PDE6B: variants seen among roughly 807,000 people sequenced by gnomAD.
The protein encoded by PDE6B is phosphodiesterase 6B.
In PDE6B, 106 loss-of-function variants were observed where a neutral mutation model predicts 109.0. The observed-to-expected ratio is 0.97, with a 90% CI of 0.83 to 1.14. PDE6B has a LOEUF of 1.14. PDE6B is among the 50% of genes most tolerant of loss of function. PDE6B has a pLI of 0.00. For missense variants in PDE6B, 1,193 were observed against 1,155.6 expected, an observed-to-expected ratio of 1.03 and a Z score of -0.47; for synonymous variants, 490 against 471.3, an observed-to-expected ratio of 1.04 and a Z score of -0.51.
chr4:634,851 G>A (rs1283809205), intron 2 of PDE6B, 22 bp downstream of exon 2: 1 of 1,610,248 alleles, frequency 6.2e-7, no homozygotes, highest in South Asian at 1.1e-5. Flanking sequence ...GGGCACCTGG[G>A]CAGCCGCGCG....
chr4:657,579 C>CACCCAGGGG (rs1736448861), intron 10 of PDE6B, 85 bp downstream of exon 10: 1 of 1,408,566 alleles, frequency 7.1e-7, no homozygotes, highest in African/African-American at 1.5e-5. Flanking sequence ...ACCCAGGGGT[C>CACCCAGGGG]TCGGCTGTGT....
chr4:667,495 G>A (rs1254781589), intron 20 of PDE6B, among the ~76,000 whole-genome samples: 1 of 152,220 alleles, frequency 6.6e-6, no homozygotes, highest in Admixed American at 6.5e-5. Context: ...TGCCGTGTGT[G>A]TGTGGGAGGG....
chr4:638,085 G>A (rs897894612), intron 3 of PDE6B, among the ~76,000 whole-genome samples: 2 of 152,208 alleles, frequency 1.3e-5, no homozygotes, highest in Admixed American at 1.3e-4. Context: ...TGACGAGTGA[G>A]CGTTCCTGCT....
At chr4:654,515 CGGAACACAGACTG>C in intron 5 of PDE6B, 1 of 588,434 alleles carries the variant, frequency 1.7e-6, no homozygotes, top group Non-Finnish European at 3.1e-6. Context: ...TGGGATTGTG[CGGAACACAGACTG>C]GGAAGACAGA....
At chr4:654,204 C>A in intron 5 of PDE6B, 50 bp downstream of exon 5, 1 of 1,507,096 alleles carries the variant, frequency 6.6e-7, no homozygotes, top group Non-Finnish European at 9.2e-7. Context: ...CTCTGTTTCC[C>A]TGACTCCAAC....
Position 666,613 on chromosome 4 carries a change from A to C in PDE6B, c.2351A>C (p.Lys784Thr). The C allele has an allele frequency of 6.2e-7, 1 of 1,602,564 alleles. No individual in the cohort carries two copies. Among genetic ancestry groups the C allele is most frequent in the African/African-American group, 1.3e-5 (1 of 74,800 alleles). Residue 784 changes from lysine to threonine, a missense_variant and splice_region_variant, in exon 20 of 22, where the codon AAG (lysine) becomes ACG (threonine). Transcript: ENST00000496514. The surrounding 1 kb of genome is among the most constrained non-coding windows in gnomAD (Gnocchi z 5.6). Reference protein sequence around the residue: ...FIDFVCTFVYKEFSRFHEEIL... With the variant: ...FIDFVCTFVYTEFSRFHEEIL... ...GACTTCGTGTGCACATTCGTGTACA[A>C]GGCGAGTGGTTCACGGGTGTTCCGA...
In PDE6B at chr4:667,793, G is replaced by A. The variant is rs1737965917; in HGVS notation, c.2353-63G>A. The A allele has an allele frequency of 3.2e-6, 5 of 1,547,748 alleles. No homozygotes were observed. In the East Asian group the frequency reaches 1.1e-4, roughly 35 times the overall value. ...TACGAGGGGGATGAGCTGGGGAAGG[G>A]CTATCTTACTCTGGAGAGAGCAGGC... On this transcript the variant is annotated intron_variant, in intron 20 of 21. Coordinates refer to ENST00000496514, the MANE Select transcript of PDE6B (RefSeq NM_000283.4).
Position 648,075 on chromosome 4 carries a change from C to T in PDE6B, c.712-5777C>T, listed in dbSNP as rs538571991. ...GGGCAACAAGAGCAAAACTCCATCT[C>T]GAAAAAAAAAAGAAAGAAAGAGCCA... On this transcript the variant is annotated intron_variant, in intron 3 of 21. Coordinates refer to ENST00000496514, the MANE Select transcript of PDE6B (RefSeq NM_000283.4). This position sits in a 1 kb window ranked among gnomAD's most constrained non-coding sequence, Gnocchi z 4.5. Among the ~76,000 whole-genome samples, 6 of 149,556 alleles carry T rather than the reference C, an allele frequency of 4.0e-5. No homozygotes were observed. Among genetic ancestry groups the T allele is most frequent in the Non-Finnish European group, 7.4e-5 (5 of 67,750 alleles).
At position 643,674 on chromosome 4, in the gene PDE6B, C is replaced by T. The variant is rs571040553; in HGVS notation, c.711+7705C>T. The stretch of plus-strand genomic sequence containing the variant: ...CTTTCTAGTGATCAGTCTATTTCAT[C>T]TAAGTTAAAATCAAATTTTGAGGCA... On this transcript the variant is annotated intron_variant, in intron 3 of 21. Transcript: ENST00000496514. Among the ~76,000 whole-genome samples, 5 of 152,058 alleles carry T rather than the reference C, an allele frequency of 3.3e-5. No individual in the cohort carries two copies. In the South Asian group the frequency reaches 1.0e-3, roughly 32 times the overall value.
chr4:660,633 G>A lies in PDE6B; in HGVS notation c.1614+20G>A, dbSNP rs754839140. ...CAGGAGGTGGGAGACACCGCAGGGC[G>A]CATAGTCAGGTCCCTGAGGCCGCCC... is the stretch of plus-strand genomic sequence containing the variant. On this transcript the variant is annotated intron_variant, in intron 12 of 21. Transcript: ENST00000496514. 25 of 1,610,666 alleles carry A rather than the reference G, an allele frequency of 1.6e-5. No individual in the cohort carries two copies. Among genetic ancestry groups the A allele is most frequent in the Middle Eastern group, 1.7e-4 (1 of 5,876 alleles).
rs768988553 is a variant in PDE6B, at chr4:626,814, G to A, written c.468+720G>A. Among the ~76,000 whole-genome samples, 13 of 152,218 alleles carry A rather than the reference G, an allele frequency of 8.5e-5. No homozygotes were observed. The highest frequency in any genetic ancestry group is 2.6e-4 in the Admixed American group (4 of 15,286). ...TCCCGAGGACAGAGGCGGTCCTGGC[G>A]GGACTGGAGAACAAGAGGGGTGTGA... On this transcript the variant is annotated intron_variant, in intron 1 of 21. Coordinates refer to ENST00000496514, the MANE Select transcript of PDE6B (RefSeq NM_000283.4). The surrounding 1 kb of genome is among the most constrained non-coding windows in gnomAD (Gnocchi z 4.6).
Position 657,925 on chromosome 4 carries a change from C to T in PDE6B, c.1401+431C>T, listed in dbSNP as rs373027908. Among the ~76,000 whole-genome samples the T allele has an allele frequency of 8.4e-5, 11 of 131,304 alleles. No individual in the cohort carries two copies. The East Asian group carries it at 1.9e-3, about 23-fold the overall frequency. The allele number at this position is 131,304 out of a possible 152,430, so 86.1% of individuals were successfully genotyped here. On this transcript the variant is annotated intron_variant, in intron 10 of 21. Transcript: ENST00000496514. ...TCATGGCTGTGTGGCACAGGCAGGT[C>T]GTCCAGGGGTCCATTGAGGGGTCAC...
chr4:663,794 A>G lies in PDE6B; in HGVS notation c.1945A>G (p.Asn649Asp), dbSNP rs768939011. Residue 649 changes from asparagine (N) to aspartate (D), a missense_variant, in exon 16 of 22, where the codon AAC becomes GAC. Transcript: ENST00000496514. This position sits in a 1 kb window ranked among gnomAD's most constrained non-coding sequence, Gnocchi z 4.0. The stretch of plus-strand genomic sequence containing the variant: ...GACCCTGAACATCTACCAGAACCTG[A>G]ACCGGCGGCAGCACGAGCACGTGAT... Reference protein sequence around the residue: ...EETLNIYQNLNRRQHEHVIHL... With the variant: ...EETLNIYQNLDRRQHEHVIHL... 29 of 1,612,172 alleles carry G rather than the reference A, an allele frequency of 1.8e-5. No individual in the cohort carries two copies. The East Asian group carries it at 4.0e-4, about 22-fold the overall frequency.
rs187516352 is a variant in PDE6B, at chr4:644,772, C to T, written c.711+8803C>T. Among the ~76,000 whole-genome samples, 376 of 151,836 alleles carry T rather than the reference C, an allele frequency of 2.5e-3. 1 individual carries two copies. Among genetic ancestry groups the T allele is most frequent in the Non-Finnish European group, 3.6e-3 (243 of 67,946 alleles). On this transcript the variant is annotated intron_variant, in intron 3 of 21. Transcript: ENST00000496514. ...CTCGAACTCCCAGCCTCAGATGATCCGCCCACCTCGGCCTCCCAAAGTGCT... is the reference window on the plus strand; with the variant it reads ...CTCGAACTCCCAGCCTCAGATGATCTGCCCACCTCGGCCTCCCAAAGTGCT...
intron 11 of PDE6B, among the ~76,000 whole-genome samples, chr4:659,578 TGTGTGCACATGTGGGTATGTGTGTGC>T (rs1560128337): frequency 6.6e-6 from 1 of 151,410 alleles, no homozygotes; most frequent in Non-Finnish European, 1.5e-5. Context: ...TGTGGGTGTG[TGTGTGCACATGTGGGTATGTGTGTGC>T]GTGTGTGCAT....
rs1429486282 is a variant in PDE6B, at chr4:666,829, C to G, written c.2352+215C>G. On this transcript the variant is annotated intron_variant, in intron 20 of 21. Transcript: ENST00000496514. The surrounding 1 kb of genome is among the most constrained non-coding windows in gnomAD (Gnocchi z 5.6). ...ACAGGTGCCCCAGCCCATCCTCACCCTGCTGTGCCCCTGGAAGCTCTGAGC... is the reference window on the plus strand; with the variant it reads ...ACAGGTGCCCCAGCCCATCCTCACCGTGCTGTGCCCCTGGAAGCTCTGAGC... 6.6e-6 allele frequency among the ~76,000 whole-genome samples: 1 copy of G among 152,190 alleles called. No individual in the cohort carries two copies. Among genetic ancestry groups the G allele is most frequent in the East Asian group, 1.9e-4 (1 of 5,186 alleles).
intron 12 of PDE6B, 21 bp downstream of exon 12, chr4:660,634 C>T (rs745680550): frequency 1.9e-6 from 3 of 1,611,476 alleles, no homozygotes; most frequent in Non-Finnish European, 2.5e-6. Flanking sequence ...CCGCAGGGCG[C>T]ATAGTCAGGT....
rs1737393152 is a variant in PDE6B, at chr4:663,589, G to C, written c.1921-181G>C. 7.8e-6 allele frequency: 5 copies of C among 637,598 alleles called. No individual in the cohort carries two copies. The South Asian group carries it at 9.0e-5, about 11-fold the overall frequency. The allele number at this position is 637,598 out of a possible 1,614,324, so 39.5% of individuals were successfully genotyped here. A position where few individuals can be genotyped will look rare whatever the true frequency, so the allele number is the denominator to read the frequency against. ...TCCCAAGCCGACGATGGAGCCGCTG[G>C]TGGAGAGCTGGGCACCCTGAGGAGG... is the stretch of plus-strand genomic sequence containing the variant. On this transcript the variant is annotated intron_variant, in intron 15 of 21. Transcript: ENST00000496514. The surrounding 1 kb of genome is among the most constrained non-coding windows in gnomAD (Gnocchi z 4.0).
At chr4:668,110 A>C in intron 21 of PDE6B, 104 bp downstream of exon 21, 1 of 1,183,874 alleles carries the variant, frequency 8.4e-7, no homozygotes, top group Non-Finnish European at 1.2e-6. Flanking sequence ...AAGCAGAGCC[A>C]CTTTCAAGAA....
Sources: allele counts gnomAD v4.1 joint callset (sites outside exome capture counted in the v4.1 genomes callset), GRCh38; gene constraint gnomAD v4.1.1; non-coding constraint Gnocchi (gnomAD v3.1); transcripts MANE v1.5; gene names NCBI Gene and HGNC (gene_info 2026-07-23, HGNC 2026-07-21).